Variants in SGCZ observed in about 807,000 individuals in gnomAD.
SGCZ encodes the protein sarcoglycan zeta.
SGCZ carries 40 observed loss-of-function variants against 41.3 expected under a neutral mutation model. The ratio of observed to expected loss-of-function variants is 0.97; its 90% CI spans 0.75 to 1.26. The LOEUF (loss-of-function observed/expected upper bound fraction) is 1.26. Among genes scored for constraint, SGCZ ranks in the 50% most tolerant of loss-of-function variants. The pLI is 0.00. For missense variants in SGCZ, 552 were observed against 369.8 expected (o/e 1.49, Z -4.04); for synonymous variants, 206 against 137.5 (o/e 1.50, Z -3.49).
At chr8:14,113,115 T>C (rs1274449495) in intron 5 of SGCZ, among the ~76,000 whole-genome samples, 1 of 152,084 alleles carries the variant, frequency 6.6e-6, no homozygotes, top group African/African-American at 2.4e-5. Context: ...AACCTATACA[T>C]TGCTGGAGTG....
At chr8:14,267,336 A>C (rs1585300567) in intron 3 of SGCZ, among the ~76,000 whole-genome samples, 2 of 152,138 alleles carry the variant, frequency 1.3e-5, no homozygotes, top group South Asian at 2.1e-4. Flanking sequence ...GGGAGGAAAA[A>C]AGCATGGAAA....
At chr8:14,468,230 A>G (rs541179618) in intron 2 of SGCZ, among the ~76,000 whole-genome samples, 3 of 152,170 alleles carry the variant, frequency 2.0e-5, no homozygotes, top group South Asian at 2.1e-4. Context: ...AGAATGATAT[A>G]TACAGATTGG....
chr8:14,407,837 G>C (rs918034808), intron 2 of SGCZ, among the ~76,000 whole-genome samples: 2 of 152,116 alleles, frequency 1.3e-5, no homozygotes, highest in Non-Finnish European at 2.9e-5. Context: ...TTCCAAAGTA[G>C]CTCCTAAACC....
At chr8:14,144,654 G>C (rs964623357) in intron 5 of SGCZ, among the ~76,000 whole-genome samples, 1 of 152,132 alleles carries the variant, frequency 6.6e-6, no homozygotes, top group Non-Finnish European at 1.5e-5. Flanking sequence ...TTGCCACATG[G>C]GTGTAGAGCA....
chr8:14,211,531 G>A (rs1805806650), intron 4 of SGCZ, among the ~76,000 whole-genome samples: 1 of 152,104 alleles, frequency 6.6e-6, no homozygotes, highest in Non-Finnish European at 1.5e-5. Context: ...ATGAAGAAAA[G>A]CTTTAACTGA....
intron 1 of SGCZ, among the ~76,000 whole-genome samples, chr8:15,010,542 CTT>C (rs2130925428): frequency 6.6e-6 from 1 of 152,258 alleles, no homozygotes; most frequent in Admixed American, 6.5e-5. Flanking sequence ...ACAAAATCCA[CTT>C]ACAAAATTAT....
intron 2 of SGCZ, among the ~76,000 whole-genome samples, chr8:14,422,424 C>T (rs12542288): frequency 0.2 from 30,904 of 152,142 alleles, 3,718 homozygotes; most frequent in Non-Finnish European, 0.28. Flanking sequence ...TTCATGGAAA[C>T]TGTATTGGAG....
At chr8:14,196,401 A>G (rs1410905727) in intron 4 of SGCZ, among the ~76,000 whole-genome samples, 3 of 152,038 alleles carry the variant, frequency 2.0e-5, no homozygotes, top group Admixed American at 1.3e-4. Flanking sequence ...AGACAGAAAG[A>G]GAGACAATAA....
intron 2 of SGCZ, among the ~76,000 whole-genome samples, chr8:14,531,974 T>C (rs1443036502): frequency 1.3e-5 from 2 of 152,108 alleles, no homozygotes; most frequent in Non-Finnish European, 2.9e-5. Flanking sequence ...AAAACATAAA[T>C]TAAAACAGCT....
chr8:14,345,771 A>T (rs573030538), intron 2 of SGCZ, among the ~76,000 whole-genome samples: 1 of 152,270 alleles, frequency 6.6e-6, no homozygotes, highest in East Asian at 1.9e-4. Flanking sequence ...AATGGAAAGA[A>T]AATAGCTATT....
At chr8:14,090,728 G>C in intron 7 of SGCZ, 91 bp from the exon 8 acceptor site, 1 of 1,126,674 alleles carries the variant, frequency 8.9e-7, no homozygotes, top group Middle Eastern at 3.1e-4. Flanking sequence ...TAATAAGGAA[G>C]TCGACACAAC....
chr8:14,378,114 C>A (rs1804206732), intron 2 of SGCZ, among the ~76,000 whole-genome samples: 1 of 150,126 alleles, frequency 6.7e-6, no homozygotes, highest in Admixed American at 6.7e-5. Flanking sequence ...CACTGACTTC[C>A]ACAATGGTTG....
chr8:14,493,881 A>G (rs867897717), intron 2 of SGCZ, among the ~76,000 whole-genome samples: 53 of 152,116 alleles, frequency 3.5e-4, no homozygotes, highest in African/African-American at 1.3e-3. Flanking sequence ...GATAAATCCA[A>G]GCACACTCTT....
intron 1 of SGCZ, among the ~76,000 whole-genome samples, chr8:14,710,306 C>G (rs182638136): frequency 6.9e-6 from 1 of 145,086 alleles, no homozygotes; most frequent in East Asian, 2.1e-4. Flanking sequence ...GCAGGCAGAG[C>G]TTGCAGTGAG....
intron 1 of SGCZ, among the ~76,000 whole-genome samples, chr8:14,791,030 CA>C (rs147796186): frequency 9.8e-5 from 11 of 111,944 alleles, no homozygotes; most frequent in East Asian, 2.4e-4. Flanking sequence ...GACTCTGTCT[CA>C]AAAAAAAAAG....
At chr8:14,461,472 G>C (rs1208805560) in intron 2 of SGCZ, among the ~76,000 whole-genome samples, 2 of 152,026 alleles carry the variant, frequency 1.3e-5, no homozygotes, top group African/African-American at 4.8e-5. Flanking sequence ...TAGAAATGCA[G>C]AATCTCAGGC....
At chr8:15,086,452 A>T (rs1805953740) in intron 1 of SGCZ, among the ~76,000 whole-genome samples, 1 of 152,118 alleles carries the variant, frequency 6.6e-6, no homozygotes, top group African/African-American at 2.4e-5. Context: ...CCTTGATTCA[A>T]TACCTATTGA....
At chr8:14,164,486 G>C in intron 5 of SGCZ, 94 bp downstream of exon 5, 1 of 1,448,744 alleles carries the variant, frequency 6.9e-7, no homozygotes, top group Admixed American at 1.8e-5. Flanking sequence ...TCTACTTTAG[G>C]CATAGGAATC....
chr8:15,009,421 A>G (rs773031633), intron 1 of SGCZ, among the ~76,000 whole-genome samples: 12 of 93,492 alleles, frequency 1.3e-4, no homozygotes, highest in Non-Finnish European at 2.9e-4. Flanking sequence ...ACAATTCTAC[A>G]TGAGATTTGG....
Sources: allele counts gnomAD v4.1 joint callset (sites outside exome capture counted in the v4.1 genomes callset), GRCh38; gene constraint gnomAD v4.1.1; transcripts MANE v1.5; gene names NCBI Gene and HGNC (gene_info 2026-07-23, HGNC 2026-07-21).